The following ZNF438 variants were observed in gnomAD, a reference collection of about 807,000 sequenced individuals.
ZNF438 encodes the protein zinc finger protein 438.
In ZNF438, 25 loss-of-function variants were observed where a neutral mutation model predicts 38.0. The observed-to-expected ratio is 0.66, with a 90% confidence interval of 0.48 to 0.92. The LOEUF is 0.92. ZNF438 is among the 40% of genes least tolerant of loss of function. The pLI, the probability that ZNF438 is intolerant of heterozygous loss-of-function variation, is 0.00. For missense variants in ZNF438, 1,007 were observed against 999.6 expected (o/e 1.01, Z -0.10); for synonymous variants, 372 against 364.1 (o/e 1.02, Z -0.25).
At chr10:30,967,195 C>T (rs539304704) in intron 1 of ZNF438, among the ~76,000 whole-genome samples, 6 of 152,180 alleles carry the variant, frequency 3.9e-5, no homozygotes, top group African/African-American at 1.4e-4. Flanking sequence ...GAGGAAAAGG[C>T]AAAAACAGAA....
chr10:30,995,855 A>G (rs1401007895), intron 1 of ZNF438, among the ~76,000 whole-genome samples: 1 of 152,228 alleles, frequency 6.6e-6, no homozygotes, highest in Non-Finnish European at 1.5e-5. Context: ...ACAACTAACT[A>G]TAAATACGTA....
chr10:31,001,653 T>A (rs78503140), intron 1 of ZNF438, among the ~76,000 whole-genome samples: 1 of 152,240 alleles, frequency 6.6e-6, no homozygotes, highest in African/African-American at 2.4e-5. Context: ...GAAATTACAC[T>A]AAACATATCA....
At chr10:30,994,740 A>C (rs993836290) in intron 1 of ZNF438, among the ~76,000 whole-genome samples, 1 of 152,210 alleles carries the variant, frequency 6.6e-6, no homozygotes, top group African/African-American at 2.4e-5. Context: ...ATACTTAAAG[A>C]AATAATGAGG....
chr10:30,989,252 T>C (rs1297768901), intron 1 of ZNF438, among the ~76,000 whole-genome samples: 1 of 152,224 alleles, frequency 6.6e-6, no homozygotes, highest in African/African-American at 2.4e-5. Flanking sequence ...TCTCTGTTTC[T>C]CTGGAGAACC....
chr10:31,030,842 T>C (rs2057243035), intron 1 of ZNF438, among the ~76,000 whole-genome samples: 1 of 152,198 alleles, frequency 6.6e-6, no homozygotes, highest in African/African-American at 2.4e-5. Flanking sequence ...GTAGTACCCC[T>C]TGACCAAAAT....
intron 1 of ZNF438, among the ~76,000 whole-genome samples, chr10:30,948,344 TCTC>T (rs1484069731): frequency 6.6e-6 from 1 of 151,950 alleles, no homozygotes; most frequent in Non-Finnish European, 1.5e-5. Context: ...GCAGAGCACC[TCTC>T]CTCCTCCAAA....
intron 1 of ZNF438, among the ~76,000 whole-genome samples, chr10:31,018,277 T>A (rs2133229298): frequency 6.6e-6 from 1 of 152,332 alleles, no homozygotes; most frequent in South Asian, 2.1e-4. Context: ...CCTTTAGCTG[T>A]ATATTATAAC....
At chr10:30,921,398 A>G (rs1422686489) in intron 2 of ZNF438, among the ~76,000 whole-genome samples, 1 of 152,190 alleles carries the variant, frequency 6.6e-6, no homozygotes, top group Non-Finnish European at 1.5e-5. Flanking sequence ...AGATATAAAA[A>G]TCTGTAAGTT....
intron 1 of ZNF438, among the ~76,000 whole-genome samples, chr10:30,948,218 A>T (rs970889876): frequency 9.2e-5 from 14 of 152,360 alleles, no homozygotes; most frequent in African/African-American, 2.9e-4. Context: ...ACTAACAAAC[A>T]GAAAAGACAT....
chr10:31,027,601 G>A (rs1354909287), intron 1 of ZNF438, among the ~76,000 whole-genome samples: 2 of 152,068 alleles, frequency 1.3e-5, no homozygotes, highest in Admixed American at 6.6e-5. Flanking sequence ...ATAGGCTATT[G>A]ACTATGCAAT....
chr10:30,949,095 T>G (rs1428561193), intron 1 of ZNF438, among the ~76,000 whole-genome samples: 1 of 152,106 alleles, frequency 6.6e-6, no homozygotes, highest in Non-Finnish European at 1.5e-5. Flanking sequence ...GGGCCAATAT[T>G]CAACATTCTT....
At chr10:30,972,173 G>C (rs139419038) in intron 1 of ZNF438, among the ~76,000 whole-genome samples, 1,764 of 152,180 alleles carry the variant, frequency 0.012, 31 homozygotes, top group African/African-American at 0.039. Flanking sequence ...GTTTCACCTT[G>C]TTAGCCAGGA....
chr10:30,927,045 T>C (rs1329649680), intron 2 of ZNF438, among the ~76,000 whole-genome samples: 1 of 152,220 alleles, frequency 6.6e-6, no homozygotes, highest in Non-Finnish European at 1.5e-5. Context: ...AGAGTGACCA[T>C]AATACACGTT....
Position 31,009,474 on chromosome 10 carries a change from T to C in ZNF438, c.-192+22359A>G, listed in dbSNP as rs576202862. On this transcript the variant is annotated intron_variant, in intron 1 of 5. Transcript: ENST00000413025. Reference sequence around the variant, plus strand: ...TCTATTATACAACCTAACAATATTTTCCACAGTTATACCAAGGATAGTTCA... The same window carrying C: ...TCTATTATACAACCTAACAATATTTCCCACAGTTATACCAAGGATAGTTCA... 2.6e-4 allele frequency among the ~76,000 whole-genome samples: 40 copies of C among 152,326 alleles called. No individual in the cohort carries two copies. In the South Asian group the frequency reaches 7.7e-3, roughly 29 times the overall value.
chr10:30,944,604 A>T (rs771698184), intron 1 of ZNF438, among the ~76,000 whole-genome samples: 22 of 152,224 alleles, frequency 1.4e-4, no homozygotes, highest in Admixed American at 1.4e-3. Flanking sequence ...GACGAATGCC[A>T]CTAGAGGTGG....
chr10:30,947,475 T>G (rs896979822), intron 1 of ZNF438, among the ~76,000 whole-genome samples: 1 of 152,258 alleles, frequency 6.6e-6, no homozygotes, highest in Non-Finnish European at 1.5e-5. Context: ...CTGCTGTCTT[T>G]TTGTTTGTCT....
chr10:30,979,647 T>C (rs569522265), intron 1 of ZNF438, among the ~76,000 whole-genome samples: 1 of 152,284 alleles, frequency 6.6e-6, no homozygotes, highest in East Asian at 1.9e-4. Flanking sequence ...TATCTGGACT[T>C]CTTGGTCCAG....
chr10:30,925,794 G>A (rs931116092), intron 2 of ZNF438, among the ~76,000 whole-genome samples: 1 of 152,136 alleles, frequency 6.6e-6, no homozygotes, highest in Non-Finnish European at 1.5e-5. Context: ...CATTATGGAA[G>A]GTCACCAAAT....
At chr10:30,929,067 T>C (rs1038022278) in intron 2 of ZNF438, among the ~76,000 whole-genome samples, 12 of 152,312 alleles carry the variant, frequency 7.9e-5, no homozygotes, top group African/African-American at 2.6e-4. Context: ...TGTTTCTATT[T>C]CCTTTGTTTT....
Sources: gnomAD v4.1 joint callset for allele counts (sites outside exome capture counted in the v4.1 genomes callset) on GRCh38, gnomAD v4.1.1 for gene constraint, MANE v1.5 for transcripts, NCBI Gene and HGNC (gene_info 2026-07-23, HGNC 2026-07-21) for gene names.